Variants in CEP112 observed in about 807,000 individuals in gnomAD.
CEP112 encodes centrosomal protein of 112 kDa.
A neutral mutation model predicts 153.0 loss-of-function variants in CEP112; 127 were observed. That is an observed-to-expected ratio of 0.83 (90% CI 0.72 to 0.96). CEP112 has a LOEUF of 0.96. CEP112 is among the 40% of genes least tolerant of loss of function. The pLI is 0.00. For synonymous variants in CEP112, 358 were observed against 374.4 expected, an observed-to-expected ratio of 0.96 and a Z score of 0.51; for missense variants, 1,089 against 1,101.2, an observed-to-expected ratio of 0.99 and a Z score of 0.16.
rs188826926 is a variant in CEP112, at chr17:65,877,662, T to G, written c.2163+24490A>C. Among the ~76,000 whole-genome samples the G allele has an allele frequency of 6.1e-4, 93 of 152,304 alleles. 2 individuals are homozygous for G. The highest frequency in any genetic ancestry group is 4.6e-3 in the South Asian group (22 of 4,824). On this transcript the variant is annotated intron_variant, in intron 20 of 26. Transcript: ENST00000535342. ...TTCTTTGTAACACTATGTAACACTA[T>G]GTAAAAACCCTATGTAAGAACACTA...
At chr17:66,145,587 T>A (rs539848639) in intron 4 of CEP112, among the ~76,000 whole-genome samples, 11 of 152,276 alleles carry the variant, frequency 7.2e-5, no homozygotes, top group Non-Finnish European at 1.3e-4. Flanking sequence ...TAAAAAGACC[T>A]TCTTTCCCTC....
chr17:66,095,941 A>G (rs7218556), intron 8 of CEP112, among the ~76,000 whole-genome samples: 151,989 of 152,242 alleles, frequency 1, 75,869 homozygotes, highest in Middle Eastern at 1. Flanking sequence ...TTAGCTGGAC[A>G]TGGTGGCACA....
chr17:66,183,145 T>G, intron 2 of CEP112, 49 bp downstream of exon 2: 1 of 1,298,308 alleles, frequency 7.7e-7, no homozygotes. Context: ...CTAAATAATA[T>G]AAAGAAAAAA....
chr17:65,896,092 T>C (rs1360230083), intron 20 of CEP112, among the ~76,000 whole-genome samples: 2 of 152,140 alleles, frequency 1.3e-5, no homozygotes, highest in Non-Finnish European at 2.9e-5. Context: ...TGGAATACTT[T>C]ATGGTATTAT....
intron 23 of CEP112, among the ~76,000 whole-genome samples, chr17:65,705,450 A>C (rs2048865164): frequency 6.6e-6 from 1 of 152,256 alleles, no homozygotes; most frequent in South Asian, 2.1e-4. Flanking sequence ...ATGTATTAGA[A>C]GGTACAGAGT....
At chr17:65,919,611 G>A (rs575057751) in intron 19 of CEP112, among the ~76,000 whole-genome samples, 2 of 152,188 alleles carry the variant, frequency 1.3e-5, no homozygotes, top group Admixed American at 1.3e-4. Flanking sequence ...CTGTCAAGAG[G>A]GGCTGGGAAT....
intron 20 of CEP112, among the ~76,000 whole-genome samples, chr17:65,867,570 G>A (rs1321808287): frequency 6.6e-6 from 1 of 152,016 alleles, no homozygotes; most frequent in Non-Finnish European, 1.5e-5. Flanking sequence ...AAGAGATTGG[G>A]GTTAATCTAC....
chr17:65,981,771 C>T (rs899233854), intron 17 of CEP112, among the ~76,000 whole-genome samples: 7 of 152,186 alleles, frequency 4.6e-5, no homozygotes, highest in African/African-American at 7.2e-5. Flanking sequence ...GACGGGGTTT[C>T]GCCATATTGT....
intron 20 of CEP112, among the ~76,000 whole-genome samples, chr17:65,898,826 G>A (rs535365221): frequency 2.0e-5 from 3 of 152,190 alleles, no homozygotes; most frequent in African/African-American, 7.2e-5. Flanking sequence ...AGATGGTGAC[G>A]CCACCTCTGG....
intron 18 of CEP112, among the ~76,000 whole-genome samples, chr17:65,930,282 T>C (rs940363985): frequency 7.2e-5 from 11 of 152,196 alleles, no homozygotes; most frequent in African/African-American, 2.7e-4. Flanking sequence ...TTTCACAATA[T>C]ATTTGAAAAA....
intron 17 of CEP112, among the ~76,000 whole-genome samples, chr17:65,994,242 T>C (rs1377717533): frequency 6.6e-6 from 1 of 152,194 alleles, no homozygotes; most frequent in African/African-American, 2.4e-5. Flanking sequence ...ATGCACTTTT[T>C]CCCTTGCATA....
intron 4 of CEP112, among the ~76,000 whole-genome samples, chr17:66,133,395 T>C (rs144109134): frequency 6.6e-6 from 1 of 152,300 alleles, no homozygotes; most frequent in Admixed American, 6.5e-5. Context: ...AAAACCTTCA[T>C]GTAGTTTAAA....
At chr17:65,709,321 T>G (rs1252624867) in intron 23 of CEP112, among the ~76,000 whole-genome samples, 1 of 152,208 alleles carries the variant, frequency 6.6e-6, no homozygotes, top group Non-Finnish European at 1.5e-5. Context: ...GATAAAGACA[T>G]ACCTGAGACT....
chr17:66,090,664 A>G (rs1199673288), intron 8 of CEP112, among the ~76,000 whole-genome samples: 1 of 152,132 alleles, frequency 6.6e-6, no homozygotes, highest in East Asian at 1.9e-4. Context: ...CAGAAAACAA[A>G]TTACAAAACA....
chr17:65,913,900 C>T (rs933249353), intron 19 of CEP112: 2 of 982,846 alleles, frequency 2.0e-6, no homozygotes, highest in Non-Finnish European at 2.4e-6. Context: ...TTCTCCAGCA[C>T]CTGTAGGTGA....
intron 21 of CEP112, among the ~76,000 whole-genome samples, chr17:65,778,555 C>G (rs975439019): frequency 1.3e-5 from 2 of 151,916 alleles, no homozygotes; most frequent in Non-Finnish European, 2.9e-5. Flanking sequence ...CATCATTGTT[C>G]AGCCCTTAGT....
intron 17 of CEP112, among the ~76,000 whole-genome samples, chr17:65,987,548 C>T (rs567936793): frequency 1.2e-3 from 177 of 152,148 alleles, no homozygotes; most frequent in African/African-American, 3.8e-3. Context: ...CTAGCACAAA[C>T]AGAAAAAAAG....
chr17:65,986,501 A>C (rs2063410954), intron 17 of CEP112, among the ~76,000 whole-genome samples: 1 of 152,148 alleles, frequency 6.6e-6, no homozygotes, highest in African/African-American at 2.4e-5. Context: ...CTAGTGTTTC[A>C]CACACAATCA....
intron 5 of CEP112, among the ~76,000 whole-genome samples, chr17:66,132,005 C>A (rs547127037): frequency 2.7e-4 from 40 of 150,856 alleles, no homozygotes; most frequent in Non-Finnish European, 4.9e-4. Flanking sequence ...CCTGTCTCTA[C>A]TAAAGATACA....
Sources: gnomAD v4.1 joint callset for allele counts (sites outside exome capture counted in the v4.1 genomes callset) on GRCh38, gnomAD v4.1.1 for gene constraint, MANE v1.5 for transcripts, NCBI Gene and HGNC (gene_info 2026-07-23, HGNC 2026-07-21) for gene names.